Variants in TMEM217B observed in about 807,000 individuals in gnomAD.
TMEM217B encodes transmembrane protein 217B, also known as putative transmembrane protein 217B.
the TMEM217B span, among the ~76,000 whole-genome samples, chr6:37,247,915 TGGGGGAA>T: frequency 1.7e-3 from 265 of 152,208 alleles, 1 homozygote; most frequent in African/African-American, 6.2e-3. Context: ...TCTCGGGAGA[TGGGGGAA>T]GAGCCTTCAG....
At chr6:37,253,897 C>A in the TMEM217B span, among the ~76,000 whole-genome samples, 1 of 152,040 alleles carries the variant, frequency 6.6e-6, no homozygotes, top group African/African-American at 2.4e-5. Context: ...ATATGCCTAC[C>A]TCTTTTGAGT....
the TMEM217B span, among the ~76,000 whole-genome samples, chr6:37,240,469 A>G: frequency 6.6e-6 from 1 of 152,152 alleles, no homozygotes; most frequent in African/African-American, 2.4e-5. Context: ...TGACATGGCC[A>G]CTGGCTTCCC....
At chr6:37,237,116 G>T in the TMEM217B span, among the ~76,000 whole-genome samples, 1 of 152,210 alleles carries the variant, frequency 6.6e-6, no homozygotes, top group African/African-American at 2.4e-5. Flanking sequence ...TTCTTTAGAA[G>T]TGAGTCACCA....
At chr6:37,218,800 G>T in the TMEM217B span, 3 of 1,614,224 alleles carry the variant, frequency 1.9e-6, no homozygotes, top group Non-Finnish European at 2.5e-6. Flanking sequence ...AGCAGCTGAT[G>T]AGGATGGTGA....
At chr6:37,257,678 T>C in the TMEM217B span, 4 of 533,356 alleles carry the variant, frequency 7.5e-6, no homozygotes, top group African/African-American at 4.0e-5. Flanking sequence ...CCGGTCGGCT[T>C]CAGCGGCCTG....
the TMEM217B span, chr6:37,218,195 A>G: frequency 8.5e-7 from 1 of 1,182,752 alleles, no homozygotes; most frequent in Non-Finnish European, 1.0e-6. Context: ...TGGGGGACAG[A>G]GTCTTACTCT....
chr6:37,244,676 C>T, the TMEM217B span, among the ~76,000 whole-genome samples: 1 of 152,160 alleles, frequency 6.6e-6, no homozygotes, highest in African/African-American at 2.4e-5. Context: ...TATATTGTCA[C>T]AATAACATCA....
At chr6:37,219,689 G>C in the TMEM217B span, among the ~76,000 whole-genome samples, 2 of 151,988 alleles carry the variant, frequency 1.3e-5, no homozygotes, top group South Asian at 4.2e-4. Context: ...CTGAGATCAT[G>C]CCACTGCACT....
the TMEM217B span, among the ~76,000 whole-genome samples, chr6:37,217,396 T>G: frequency 6.6e-6 from 1 of 152,268 alleles, no homozygotes; most frequent in Non-Finnish European, 1.5e-5. Flanking sequence ...TATGATTGGC[T>G]AATTGATTCA....
At chr6:37,212,433 C>T in the TMEM217B span, 4 of 422,486 alleles carry the variant, frequency 9.5e-6, no homozygotes, top group Admixed American at 1.0e-4. Context: ...ACTTCCGGTA[C>T]AACATTCCCA....
chr6:37,230,133 G>T, the TMEM217B span, among the ~76,000 whole-genome samples: 25 of 152,186 alleles, frequency 1.6e-4, no homozygotes, highest in Non-Finnish European at 2.9e-4. Flanking sequence ...GCCAGCAGTG[G>T]TACATCAAGT....
At chr6:37,218,614 G>C in the TMEM217B span, 13 of 1,614,100 alleles carry the variant, frequency 8.1e-6, no homozygotes, top group African/African-American at 1.5e-4. Context: ...TCCAGAAACA[G>C]TGCATGACTG....
the TMEM217B span, chr6:37,218,774 A>G: frequency 7.9e-5 from 128 of 1,614,230 alleles, no homozygotes; most frequent in Non-Finnish European, 1.0e-4. Context: ...CTGGGCATAC[A>G]CTGAGTACAG....
At chr6:37,230,252 C>T in the TMEM217B span, among the ~76,000 whole-genome samples, 1 of 152,346 alleles carries the variant, frequency 6.6e-6, no homozygotes, top group East Asian at 1.9e-4. Flanking sequence ...ACTGGACCCA[C>T]TTGTCTAATC....
the TMEM217B span, among the ~76,000 whole-genome samples, chr6:37,247,172 A>G: frequency 6.6e-6 from 1 of 152,178 alleles, no homozygotes; most frequent in East Asian, 1.9e-4. Context: ...CCCCTGCTGC[A>G]GTATCTTTTG....
the TMEM217B span, among the ~76,000 whole-genome samples, chr6:37,235,783 G>T: frequency 6.6e-6 from 1 of 152,188 alleles, no homozygotes; most frequent in Non-Finnish European, 1.5e-5. Flanking sequence ...TGTCCTCACA[G>T]GGAGGAAAGT....
At chr6:37,238,293 T>C in the TMEM217B span, among the ~76,000 whole-genome samples, 1 of 152,194 alleles carries the variant, frequency 6.6e-6, no homozygotes, top group Non-Finnish European at 1.5e-5. Flanking sequence ...AATATAATTA[T>C]GTAAGTATTT....
chr6:37,232,195 A>G, the TMEM217B span, among the ~76,000 whole-genome samples: 1 of 152,238 alleles, frequency 6.6e-6, no homozygotes, highest in Non-Finnish European at 1.5e-5. Context: ...TCCAAAAAAT[A>G]GAATTTTCCC....
the TMEM217B span, among the ~76,000 whole-genome samples, chr6:37,216,805 C>A: frequency 1.3e-5 from 2 of 152,090 alleles, no homozygotes; most frequent in East Asian, 3.9e-4. Flanking sequence ...AATAAGTGAC[C>A]TTATAAAGGG....
Sources: gnomAD v4.1 joint callset for allele counts (sites outside exome capture counted in the v4.1 genomes callset) on GRCh38, gnomAD v4.1.1 for gene constraint, MANE v1.5 for transcripts, NCBI Gene and HGNC (gene_info 2026-07-23, HGNC 2026-07-21) for gene names.